Variants in ENTREP2 observed in about 807,000 individuals in gnomAD.
ENTREP2 encodes protein ENTREP2.
chr15:29,656,184 C>T, the ENTREP2 span, among the ~76,000 whole-genome samples: 2 of 151,798 alleles, frequency 1.3e-5, no homozygotes, highest in South Asian at 4.2e-4. Flanking sequence ...TGAGAGAATG[C>T]ATTACCAGAA....
At chr15:29,388,953 G>A in the ENTREP2 span, among the ~76,000 whole-genome samples, 7 of 135,120 alleles carry the variant, frequency 5.2e-5, no homozygotes, top group African/African-American at 8.4e-5. Context: ...ATCACACACC[G>A]GGGCCTGTTG....
chr15:29,288,776 G>C, the ENTREP2 span, among the ~76,000 whole-genome samples: 1 of 152,032 alleles, frequency 6.6e-6, no homozygotes, highest in East Asian at 1.9e-4. Context: ...GCATTTCCCA[G>C]AACACCTTTG....
chr15:29,608,550 T>TTATTATTATTATTATTA, the ENTREP2 span, among the ~76,000 whole-genome samples: 6 of 76,698 alleles, frequency 7.8e-5, no homozygotes, highest in African/African-American at 2.4e-4. Context: ...ATTATTATTA[T>TTATTATTATTATTATTA]TTATTTATTA....
the ENTREP2 span, among the ~76,000 whole-genome samples, chr15:29,493,355 G>A: frequency 2.0e-5 from 3 of 150,940 alleles, no homozygotes; most frequent in East Asian, 4.1e-4. Context: ...GGATGGTCTC[G>A]ATCTCCTGAC....
chr15:29,638,204 C>G, the ENTREP2 span, among the ~76,000 whole-genome samples: 7 of 152,216 alleles, frequency 4.6e-5, no homozygotes, highest in Admixed American at 6.5e-5. Flanking sequence ...TGGCTATGGG[C>G]CAGGCAGCCC....
the ENTREP2 span, among the ~76,000 whole-genome samples, chr15:29,587,270 G>A: frequency 9.9e-5 from 15 of 151,184 alleles, no homozygotes; most frequent in South Asian, 6.3e-4. Context: ...CCCCAACTAT[G>A]GTCCTGAAAT....
At chr15:29,416,663 A>C in the ENTREP2 span, among the ~76,000 whole-genome samples, 1 of 152,084 alleles carries the variant, frequency 6.6e-6, no homozygotes, top group African/African-American at 2.4e-5. Context: ...TAATTAAACT[A>C]AAGAGCTTCT....
the ENTREP2 span, among the ~76,000 whole-genome samples, chr15:29,400,140 G>T: frequency 6.6e-5 from 10 of 152,196 alleles, no homozygotes; most frequent in Admixed American, 6.5e-4. Context: ...GTGCACATAT[G>T]TGAAAATTAA....
At chr15:29,445,578 G>C in the ENTREP2 span, among the ~76,000 whole-genome samples, 1 of 152,144 alleles carries the variant, frequency 6.6e-6, no homozygotes, top group Non-Finnish European at 1.5e-5. Flanking sequence ...CCTGGAGGGT[G>C]GCGCCCAGAG....
chr15:29,139,349 G>T, the ENTREP2 span, among the ~76,000 whole-genome samples: 1 of 152,232 alleles, frequency 6.6e-6, no homozygotes, highest in South Asian at 2.1e-4. Context: ...TGAATCATCC[G>T]CTGTGAGCGG....
At chr15:29,168,940 G>A in the ENTREP2 span, among the ~76,000 whole-genome samples, 2 of 152,170 alleles carry the variant, frequency 1.3e-5, no homozygotes, top group Admixed American at 6.5e-5. Context: ...TTTAGTGGAT[G>A]GCTGTAAATT....
At chr15:29,273,477 T>C in the ENTREP2 span, among the ~76,000 whole-genome samples, 1 of 152,120 alleles carries the variant, frequency 6.6e-6, no homozygotes, top group African/African-American at 2.4e-5. Context: ...GGATTACAGG[T>C]GTGAGCCACC....
At chr15:29,479,690 C>CACATACAT in the ENTREP2 span, among the ~76,000 whole-genome samples, 1 of 43,268 alleles carries the variant, frequency 2.3e-5, no homozygotes, top group Non-Finnish European at 4.3e-5. Flanking sequence ...TACATACACA[C>CACATACAT]ACACACACAC....
At chr15:29,431,937 T>C in the ENTREP2 span, among the ~76,000 whole-genome samples, 1 of 152,190 alleles carries the variant, frequency 6.6e-6, no homozygotes, top group African/African-American at 2.4e-5. Flanking sequence ...GGAAACGCCG[T>C]GGCATTTGCA....
the ENTREP2 span, among the ~76,000 whole-genome samples, chr15:29,446,866 T>TG: frequency 6.6e-6 from 1 of 152,200 alleles, no homozygotes; most frequent in Non-Finnish European, 1.5e-5. Flanking sequence ...TGGTATCTCT[T>TG]GAGCCATTCT....
the ENTREP2 span, among the ~76,000 whole-genome samples, chr15:29,343,428 G>C: frequency 6.6e-6 from 1 of 152,096 alleles, no homozygotes; most frequent in Non-Finnish European, 1.5e-5. Context: ...AGAAAGCCCA[G>C]CTGAGTTTCC....
At chr15:29,499,203 G>A in the ENTREP2 span, among the ~76,000 whole-genome samples, 1 of 152,096 alleles carries the variant, frequency 6.6e-6, no homozygotes, top group Non-Finnish European at 1.5e-5. Flanking sequence ...GGTGTTTTGA[G>A]GATGCCTTGA....
the ENTREP2 span, among the ~76,000 whole-genome samples, chr15:29,504,191 T>C: frequency 5.0e-3 from 766 of 152,252 alleles, 19 homozygotes; most frequent in Admixed American, 0.046. Context: ...AACATGTTTC[T>C]ACCTATGCAC....
At chr15:29,474,219 G>A in the ENTREP2 span, among the ~76,000 whole-genome samples, 7 of 152,170 alleles carry the variant, frequency 4.6e-5, no homozygotes, top group African/African-American at 7.2e-5. Flanking sequence ...GTTGGTGGGC[G>A]AGAAGAGAGG....
Sources: allele counts gnomAD v4.1 joint callset (sites outside exome capture counted in the v4.1 genomes callset), GRCh38; gene constraint gnomAD v4.1.1; transcripts MANE v1.5; gene names NCBI Gene and HGNC (gene_info 2026-07-23, HGNC 2026-07-21).